VGLL4: variants seen among roughly 807,000 people sequenced by gnomAD.
The protein encoded by VGLL4 is transcription cofactor vestigial-like protein 4.
VGLL4 carries 7 observed loss-of-function variants against 21.0 expected under a neutral mutation model. The ratio of observed to expected loss-of-function variants is 0.33; its 90% CI spans 0.19 to 0.63. VGLL4 has a LOEUF of 0.63. VGLL4 is among the 20% of genes least tolerant of loss of function. VGLL4 has a pLI of 0.78. For missense variants in VGLL4, 394 were observed against 425.7 expected (o/e 0.93, Z 0.66); for synonymous variants, 222 against 173.2 (o/e 1.28, Z -2.21).
At chr3:11,708,125 C>T (rs1276097404) in intron 1 of VGLL4, among the ~76,000 whole-genome samples, 7 of 152,186 alleles carry the variant, frequency 4.6e-5, no homozygotes, top group Admixed American at 1.3e-4. Flanking sequence ...TCTATTTCCT[C>T]ATCTGGAAAA....
chr3:11,692,631 G>A (rs1262504406), intron 2 of VGLL4, among the ~76,000 whole-genome samples: 3 of 151,492 alleles, frequency 2.0e-5, no homozygotes, highest in South Asian at 4.1e-4. Context: ...CACAGCTGCC[G>A]ACACTCACCT....
chr3:11,714,667 C>G (rs2076894692), intron 1 of VGLL4, among the ~76,000 whole-genome samples: 1 of 151,870 alleles, frequency 6.6e-6, no homozygotes, highest in African/African-American at 2.4e-5. Flanking sequence ...CCTTATACAG[C>G]AAGGCATATG....
chr3:11,633,587 T>TTGA, intron 1 of VGLL4: 1 of 152,534 alleles, frequency 6.6e-6, no homozygotes, highest in East Asian at 1.9e-4. Context: ...GAAGAATCGC[T>TTGA]TGAACCTGGA....
chr3:11,655,749 C>CG (rs2075948060), intron 2 of VGLL4, among the ~76,000 whole-genome samples: 1 of 151,872 alleles, frequency 6.6e-6, no homozygotes, highest in Non-Finnish European at 1.5e-5. Context: ...CGGCTGGTGG[C>CG]GGGGGGTTTC....
chr3:11,636,047 A>T (rs899859215), intron 1 of VGLL4, among the ~76,000 whole-genome samples: 1 of 152,234 alleles, frequency 6.6e-6, no homozygotes, highest in Non-Finnish European at 1.5e-5. Context: ...AGAATGGAAG[A>T]ACATGGGTAA....
chr3:11,642,789 G>C (rs1328450744), intron 1 of VGLL4, among the ~76,000 whole-genome samples: 1 of 152,190 alleles, frequency 6.6e-6, no homozygotes, highest in Non-Finnish European at 1.5e-5. Flanking sequence ...CTGGGGGTCG[G>C]GGTGTTGTGT....
chr3:11,582,687 A>G (rs967685513), intron 2 of VGLL4, among the ~76,000 whole-genome samples: 2 of 152,234 alleles, frequency 1.3e-5, no homozygotes. Flanking sequence ...AAGGCTAAAG[A>G]AAACACAGGA....
intron 2 of VGLL4, among the ~76,000 whole-genome samples, chr3:11,583,656 TG>T (rs2074292506): frequency 6.6e-6 from 1 of 151,450 alleles, no homozygotes; most frequent in South Asian, 2.1e-4. Context: ...CGGGAAGGAG[TG>T]GGCTGCAATC....
At chr3:11,636,895 T>C (rs1231901280) in intron 1 of VGLL4, among the ~76,000 whole-genome samples, 2 of 152,132 alleles carry the variant, frequency 1.3e-5, no homozygotes, top group Admixed American at 6.5e-5. Flanking sequence ...ACATATATTA[T>C]CTGTATATAA....
chr3:11,676,402 AAAAAAAAATAAAATAAT>A (rs1203619110), intron 2 of VGLL4, among the ~76,000 whole-genome samples: 10 of 146,766 alleles, frequency 6.8e-5, no homozygotes, highest in Non-Finnish European at 1.3e-4. Flanking sequence ...CTCAAAAAAA[AAAAAAAAATAAAATAAT>A]AATAATAATA....
At chr3:11,567,101 T>C (rs544620566) in intron 2 of VGLL4, among the ~76,000 whole-genome samples, 6 of 152,252 alleles carry the variant, frequency 3.9e-5, no homozygotes, top group Admixed American at 6.5e-5. Context: ...CAGCCTCGGC[T>C]GTGATGTTGT....
At chr3:11,721,304 G>C (rs1447954397), upstream of VGLL4, 1 of 152,234 alleles carries the variant, frequency 6.6e-6, no homozygotes, top group African/African-American at 2.4e-5. Context: ...AGCCCCTGTT[G>C]GATATGCAAA....
chr3:11,558,661 C>G lies in VGLL4; in HGVS notation c.786G>C (p.Lys262Asn). The G allele has an allele frequency of 6.2e-7, 1 of 1,613,086 alleles. No individual in the cohort carries two copies. The highest frequency in any genetic ancestry group is 8.5e-7 in the Non-Finnish European group (1 of 1,180,024). Residue 262 changes from lysine to asparagine, a missense_variant, in exon 5 of 5, where the codon AAG becomes AAC. Physicochemically the swap from Lys to Asn is moderately conservative, Grantham distance 94 (BLOSUM62 0). Transcript: ENST00000430365. ...GDTWLQIKAAKDGASSSPESA... is the reference protein window; with the variant it reads ...GDTWLQIKAANDGASSSPESA... ...ACTCAGGGCTGCTGGATGCTCCGTCCTTGGCCGCTTTGATCTGGAGCCACG... is the reference window on the plus strand; with the variant it reads ...ACTCAGGGCTGCTGGATGCTCCGTCGTTGGCCGCTTTGATCTGGAGCCACG...
At chr3:11,655,652 G>GGGT (rs1316538212) in intron 2 of VGLL4, among the ~76,000 whole-genome samples, 1 of 152,240 alleles carries the variant, frequency 6.6e-6, no homozygotes, top group Admixed American at 6.5e-5. Context: ...ACCCCACATA[G>GGGT]GGTGGGGAGT....
At chr3:11,639,868 TCC>T (rs1411140889) in intron 1 of VGLL4, among the ~76,000 whole-genome samples, 1 of 151,408 alleles carries the variant, frequency 6.6e-6, no homozygotes, top group East Asian at 1.9e-4. Flanking sequence ...AGAGCAAGAC[TCC>T]GTCTCAAAAG....
chr3:11,670,610 C>T (rs1272963079), intron 2 of VGLL4, among the ~76,000 whole-genome samples: 1 of 152,128 alleles, frequency 6.6e-6, no homozygotes, highest in Admixed American at 6.5e-5. Flanking sequence ...CTATAGTAAA[C>T]ATTACTGAGG....
intron 2 of VGLL4, among the ~76,000 whole-genome samples, chr3:11,577,421 C>T (rs563656764): frequency 3.9e-5 from 6 of 152,202 alleles, no homozygotes; most frequent in East Asian, 3.9e-4. Flanking sequence ...GGTGAAACCC[C>T]GTCTTTACAA....
intron 1 of VGLL4, among the ~76,000 whole-genome samples, chr3:11,636,281 C>T (rs1463800489): frequency 6.6e-6 from 1 of 152,156 alleles, no homozygotes; most frequent in Non-Finnish European, 1.5e-5. Flanking sequence ...AGTACATCTG[C>T]ATCAAACCAT....
chr3:11,714,440 C>T (rs896351943), intron 1 of VGLL4, among the ~76,000 whole-genome samples: 1 of 152,056 alleles, frequency 6.6e-6, no homozygotes, highest in Non-Finnish European at 1.5e-5. Flanking sequence ...CCTGTAATCC[C>T]AGCACTTTGG....
Sources: gnomAD v4.1 joint callset for allele counts (sites outside exome capture counted in the v4.1 genomes callset) on GRCh38, gnomAD v4.1.1 for gene constraint, MANE v1.5 for transcripts, NCBI Gene and HGNC (gene_info 2026-07-23, HGNC 2026-07-21) for gene names.